KIT: variants seen among roughly 807,000 people sequenced by gnomAD.
KIT encodes KIT proto-oncogene, receptor tyrosine kinase.
In KIT, 16 loss-of-function variants were observed where a neutral mutation model predicts 105.7. The ratio of observed to expected loss-of-function variants is 0.15; its 90% confidence interval spans 0.10 to 0.23. KIT has a LOEUF of 0.23. KIT is among the 10% of genes least tolerant of loss of function. The pLI is 1.00. For missense variants in KIT, 858 were observed against 1,213.8 expected (o/e 0.71, Z 4.36); for synonymous variants, 438 against 441.1 (o/e 0.99, Z 0.09).
rs200814065 is a variant in KIT, at chr4:54,727,908, C to T, written c.1860C>T (p.Val620=). The part of the protein sequence containing the change: ...GLIKSDAAMT[V]AVKMLKPSAH... ...TTAAGTCAGATGCGGCCATGACTGT[C>T]GCTGTAAAGATGCTCAAGCGTAAGT... is the stretch of plus-strand genomic sequence containing the variant. The change falls in exon 12 of 21, where the codon GTC becomes GTT. Residue 620 remains valine (V), a synonymous_variant. Coordinates refer to ENST00000288135, the MANE Select transcript of KIT (RefSeq NM_000222.3). 5.1e-5 allele frequency: 83 copies of T among 1,613,858 alleles called. No individual in the cohort carries two copies. Among genetic ancestry groups the T allele is most frequent in the Non-Finnish European group, 6.6e-5 (78 of 1,179,922 alleles).
Position 54,738,863 on chromosome 4 carries a change from C to T in KIT, c.*306C>T. The T allele has an allele frequency of 1.7e-6, 1 of 597,838 alleles. No homozygotes were observed. The highest frequency in any genetic ancestry group is 3.0e-6 in the Non-Finnish European group (1 of 336,970). 37.0% of individuals were successfully genotyped at this position (597,838 alleles called of 1,614,324 possible). On this transcript the variant is annotated 3_prime_UTR_variant, in exon 21 of 21. Coordinates refer to ENST00000288135, the MANE Select transcript of KIT (RefSeq NM_000222.3). ...GCCAGAGTCCTTTCCAAGGCTTCTC[C>T]AATTCTGCCCAAAAATATGGTTGAT...
rs375734891 is a variant in KIT at position 54,707,263 on chromosome 4, A to G, written c.1091A>G (p.Lys364Arg). The change falls in exon 6 of 21, where the codon AAG (lysine) becomes AGG (arginine). Residue 364 changes from lysine (K) to arginine (R), a missense_variant. Lys to Arg is a conservative substitution (Grantham distance 26). Coordinates refer to ENST00000288135, the MANE Select transcript of KIT (RefSeq NM_000222.3). The stretch of plus-strand genomic sequence containing the variant: ...ACTGATAAATGGGAAGATTATCCCA[A>G]GTCTGAGAATGAAAGTAATATCAGG... ...TFTDKWEDYP[K>R]SENESNIRYV... is the part of the protein sequence containing the mutation. The G allele has an allele frequency of 1.3e-5, 21 of 1,612,160 alleles. No homozygotes were observed. In the African/African-American group the frequency reaches 2.3e-4, roughly 17 times the overall value.
intron 5 of KIT, 90 bp from the exon 6 acceptor site, chr4:54,707,008 A>C: frequency 1.4e-6 from 1 of 735,694 alleles, no homozygotes; most frequent in Non-Finnish European, 2.3e-6. Context: ...AAATCAACCA[A>C]TTGTTTTTGT....
At chr4:54,690,372 T>G (rs911796513) in intron 1 of KIT, among the ~76,000 whole-genome samples, 13 of 152,238 alleles carry the variant, frequency 8.5e-5, no homozygotes, top group Admixed American at 6.5e-4. Flanking sequence ...TCTTCGTAAG[T>G]GTCCGCTTCC....
intron 1 of KIT, among the ~76,000 whole-genome samples, chr4:54,670,387 T>C (rs1167243305): frequency 6.6e-6 from 1 of 152,156 alleles, no homozygotes; most frequent in Non-Finnish European, 1.5e-5. Context: ...ACTTGATGAA[T>C]TTCAACTTTA....
chr4:54,727,685 C>T (rs1235542866), intron 11 of KIT, 138 bp from the exon 12 acceptor site: 2 of 1,297,084 alleles, frequency 1.5e-6, no homozygotes, highest in Non-Finnish European at 2.2e-6. Context: ...GATAGGTTTG[C>T]CATAGAGAAC....
intron 13 of KIT, among the ~76,000 whole-genome samples, chr4:54,728,468 T>G (rs1722378402): frequency 6.6e-6 from 1 of 152,184 alleles, no homozygotes; most frequent in Non-Finnish European, 1.5e-5. Context: ...TTAATATTAA[T>G]TTGCATACTA....
At chr4:54,684,695 G>A (rs751482144) in intron 1 of KIT, among the ~76,000 whole-genome samples, 14 of 152,224 alleles carry the variant, frequency 9.2e-5, no homozygotes, top group South Asian at 2.1e-4. Flanking sequence ...CTGCTCCCCC[G>A]GCAGCACGAC....
At position 54,695,762 on chromosome 4, in the gene KIT, C is replaced by A. The variant is rs1341471751; in HGVS notation, c.318C>A (p.Ser106=). 1 of 1,614,198 alleles carries A rather than the reference C, an allele frequency of 6.2e-7. No individual in the cohort carries two copies. The highest frequency in any genetic ancestry group is 2.2e-5 in the East Asian group (1 of 44,874). Residue 106 remains serine (S), a synonymous_variant, in exon 2 of 21, where the codon TCC becomes TCA. Coordinates refer to ENST00000288135, the MANE Select transcript of KIT (RefSeq NM_000222.3). ...CCAACAAACACGGCTTAAGCAATTC[C>A]ATTTATGTGTTTGTTAGAGGTAAAT... The part of the protein sequence containing the change: ...TCTNKHGLSN[S]IYVFVRDPAK...
chr4:54,693,981 C>G (rs926823071), intron 1 of KIT, among the ~76,000 whole-genome samples: 44 of 152,196 alleles, frequency 2.9e-4, no homozygotes, highest in African/African-American at 1.1e-3. Context: ...TCACTCATTT[C>G]CTTGAATCTA....
At position 54,707,243 on chromosome 4, in the gene KIT, T is replaced by A; in HGVS notation, c.1071T>A (p.Asp357Glu). Residue 357 changes from aspartate (D) to glutamate (E), a missense_variant, in exon 6 of 21, where the codon GAT becomes GAA. This residue lies in a region of KIT where 401 missense variants were observed against 601.0 expected (regional missense o/e 0.67). Transcript: ENST00000288135. ...TCTATATGAACAGAACCTTCACTGA[T>A]AAATGGGAAGATTATCCCAAGTCTG... Reference protein sequence around the residue: ...QWIYMNRTFTDKWEDYPKSEN... With the variant: ...QWIYMNRTFTEKWEDYPKSEN... 6.2e-7 allele frequency: 1 copy of A among 1,613,208 alleles called. No individual in the cohort carries two copies. The highest frequency in any genetic ancestry group is 8.5e-7 in the Non-Finnish European group (1 of 1,179,114).
At chr4:54,691,800 A>G (rs1457814962) in intron 1 of KIT, among the ~76,000 whole-genome samples, 1 of 151,930 alleles carries the variant, frequency 6.6e-6, no homozygotes, top group African/African-American at 2.4e-5. Context: ...ACTTCTGTGA[A>G]GTAGTTGGCT....
At chr4:54,702,284 G>A (rs1194686955) in intron 4 of KIT, among the ~76,000 whole-genome samples, 1 of 151,904 alleles carries the variant, frequency 6.6e-6, no homozygotes, top group Non-Finnish European at 1.5e-5. Flanking sequence ...AATAAAAAAG[G>A]TAAAATTGAT....
intron 7 of KIT, among the ~76,000 whole-genome samples, chr4:54,716,820 T>C (rs1050497163): frequency 2.6e-5 from 4 of 152,232 alleles, no homozygotes; most frequent in Admixed American, 1.3e-4. Flanking sequence ...AATAAGGTTA[T>C]CATCTGTTGT....
intron 1 of KIT, among the ~76,000 whole-genome samples, chr4:54,691,272 G>A (rs1258717906): frequency 6.6e-6 from 1 of 152,146 alleles, no homozygotes; most frequent in East Asian, 1.9e-4. Context: ...GTACGATTTA[G>A]GATCCTTACC....
At chr4:54,696,406 C>T (rs1720068946) in intron 2 of KIT, among the ~76,000 whole-genome samples, 1 of 152,120 alleles carries the variant, frequency 6.6e-6, no homozygotes, top group South Asian at 2.1e-4. Flanking sequence ...CAAGAGTAAG[C>T]ATGCTGGGCA....
intron 1 of KIT, among the ~76,000 whole-genome samples, chr4:54,662,644 CT>C (rs1296029660): frequency 1.3e-5 from 2 of 152,170 alleles, no homozygotes; most frequent in African/African-American, 4.8e-5. Flanking sequence ...GCAATCTCGT[CT>C]CACTGCAACC....
At chr4:54,722,751 A>G (rs1019527978) in intron 7 of KIT, among the ~76,000 whole-genome samples, 1 of 150,668 alleles carries the variant, frequency 6.6e-6, no homozygotes, top group Admixed American at 6.7e-5. Flanking sequence ...TTGTAGTTAC[A>G]TAGAAATACC....
chr4:54,675,713 T>C (rs2237025), intron 1 of KIT, among the ~76,000 whole-genome samples: 90,754 of 152,008 alleles, frequency 0.6, 27,864 homozygotes, highest in African/African-American at 0.74. Flanking sequence ...TCTGGTATTT[T>C]ACAGGGCTGT....
Sources: gnomAD v4.1 joint callset for allele counts (sites outside exome capture counted in the v4.1 genomes callset) on GRCh38, gnomAD v4.1.1 for gene constraint, gnomAD v4.1.1 regional missense constraint, MANE v1.5 for transcripts, NCBI Gene and HGNC (gene_info 2026-07-23, HGNC 2026-07-21) for gene names.